Variants in ADAMTSL3 observed in about 807,000 individuals in gnomAD.
The protein encoded by ADAMTSL3 is ADAMTS like 3.
ADAMTSL3 carries 128 observed loss-of-function variants against 201.7 expected under a neutral mutation model. The observed-to-expected ratio is 0.63, with a 90% CI of 0.55 to 0.73. ADAMTSL3 has a LOEUF of 0.73. Ranked by LOEUF, ADAMTSL3 falls within the 30% of genes least tolerant of loss-of-function variation. The pLI is 0.00. For synonymous variants in ADAMTSL3, 738 were observed against 748.4 expected, an observed-to-expected ratio of 0.99 and a Z score of 0.23; for missense variants, 1,990 against 2,119.6, an observed-to-expected ratio of 0.94 and a Z score of 1.20.
intron 17 of ADAMTSL3, among the ~76,000 whole-genome samples, chr15:83,932,144 A>T (rs192103377): frequency 6.6e-6 from 1 of 152,346 alleles, no homozygotes; most frequent in Admixed American, 6.5e-5. Context: ...CAGAATACTG[A>T]GGGAATATCA....
chr15:83,922,985 AT>A (rs963045116), intron 16 of ADAMTSL3, among the ~76,000 whole-genome samples: 3 of 151,980 alleles, frequency 2.0e-5, no homozygotes, highest in African/African-American at 4.8e-5. Flanking sequence ...TTTTCCAATA[AT>A]TTTTTTTGTC....
At chr15:83,799,899 G>A (rs564134558) in intron 4 of ADAMTSL3, among the ~76,000 whole-genome samples, 2 of 152,310 alleles carry the variant, frequency 1.3e-5, no homozygotes, top group East Asian at 1.9e-4. Flanking sequence ...TCCAGAATAA[G>A]CTGGCAGGTT....
At chr15:83,826,527 A>C (rs1043086949) in intron 6 of ADAMTSL3, among the ~76,000 whole-genome samples, 1 of 151,486 alleles carries the variant, frequency 6.6e-6, no homozygotes, top group African/African-American at 2.4e-5. Context: ...TAAAAAAATT[A>C]TACTTTAAGT....
chr15:84,025,435 G>C lies in ADAMTSL3; in HGVS notation c.4655G>C (p.Arg1552Pro), dbSNP rs772236407. The stretch of plus-strand genomic sequence containing the variant: ...TGTGTTCAGTGGGAACCAGGGAACC[G>C]GGTAAAGCTAACACATCTAGTTTGT... ...HPCVQWEPGN[R>P]CPGRCMGRAV... Residue 1552 changes from arginine to proline, a missense_variant and splice_region_variant, in exon 27 of 30, where the codon CGG becomes CCG. Physicochemically the swap from Arg to Pro is moderately radical, Grantham distance 103 (BLOSUM62 -2). Coordinates refer to ENST00000286744, the MANE Select transcript of ADAMTSL3 (RefSeq NM_207517.3). The C allele has an allele frequency of 8.1e-6, 13 of 1,613,324 alleles. No individual in the cohort carries two copies. The South Asian group carries it at 9.9e-5, about 12-fold the overall frequency.
At chr15:83,685,696 C>T (rs1336053879) in intron 2 of ADAMTSL3, among the ~76,000 whole-genome samples, 1 of 152,176 alleles carries the variant, frequency 6.6e-6, no homozygotes, top group Non-Finnish European at 1.5e-5. Flanking sequence ...TTATATTAGA[C>T]AGCTCTCTTT....
At chr15:83,746,449 T>C (rs956387472) in intron 3 of ADAMTSL3, among the ~76,000 whole-genome samples, 1 of 151,788 alleles carries the variant, frequency 6.6e-6, no homozygotes, top group South Asian at 2.1e-4. Flanking sequence ...GTGTTAACTA[T>C]CAGTGTCTGT....
At chr15:83,783,941 G>A (rs1199283005) in intron 4 of ADAMTSL3, among the ~76,000 whole-genome samples, 2 of 151,816 alleles carry the variant, frequency 1.3e-5, no homozygotes, top group Non-Finnish European at 2.9e-5. Context: ...TGCAAATTCA[G>A]TTATGGCTGC....
chr15:83,781,528 T>A (rs1356836389), intron 4 of ADAMTSL3, among the ~76,000 whole-genome samples: 1 of 152,110 alleles, frequency 6.6e-6, no homozygotes, highest in Non-Finnish European at 1.5e-5. Context: ...GATACCATTA[T>A]GGACATTGGA....
intron 23 of ADAMTSL3, among the ~76,000 whole-genome samples, chr15:83,999,519 C>A (rs2067750297): frequency 6.6e-6 from 1 of 152,158 alleles, no homozygotes; most frequent in Admixed American, 6.5e-5. Flanking sequence ...TATTTTTAAA[C>A]CCTACCCGCC....
chr15:83,921,889 T>G (rs2066152322), intron 16 of ADAMTSL3, among the ~76,000 whole-genome samples: 3 of 151,922 alleles, frequency 2.0e-5, no homozygotes, highest in Admixed American at 2.0e-4. Context: ...TCTCACTATG[T>G]TGCCACAAGC....
At chr15:83,779,057 G>C (rs2063124761) in intron 4 of ADAMTSL3, among the ~76,000 whole-genome samples, 1 of 152,120 alleles carries the variant, frequency 6.6e-6, no homozygotes, top group Non-Finnish European at 1.5e-5. Flanking sequence ...TTCACAAGAA[G>C]ACCGAACTAT....
chr15:83,774,828 A>C (rs1596183851), intron 4 of ADAMTSL3, among the ~76,000 whole-genome samples: 1 of 149,866 alleles, frequency 6.7e-6, no homozygotes, highest in Non-Finnish European at 1.5e-5. Flanking sequence ...GGAGAGCTAC[A>C]CCCTGTGGGC....
intron 19 of ADAMTSL3, among the ~76,000 whole-genome samples, chr15:83,954,252 A>C (rs1217708339): frequency 1.3e-5 from 2 of 151,948 alleles, no homozygotes; most frequent in Admixed American, 6.5e-5. Context: ...CTCTAACTGT[A>C]TTTTAAAATA....
Position 83,774,076 on chromosome 15 carries a change from A to T in ADAMTSL3, c.317+426A>T, listed in dbSNP as rs144429082. On this transcript the variant is annotated intron_variant, in intron 4 of 29. Coordinates refer to ENST00000286744, the MANE Select transcript of ADAMTSL3 (RefSeq NM_207517.3). ...TTCACATTTTAGATATGTTTATGTT[A>T]AATAATGTTTGCAAAAATGTAAAAT... 7.2e-5 allele frequency among the ~76,000 whole-genome samples: 11 copies of T among 152,338 alleles called. No individual in the cohort carries two copies. In the East Asian group the frequency reaches 2.1e-3, roughly 29 times the overall value.
At chr15:83,716,569 ATTATTC>A (rs1046380059) in intron 3 of ADAMTSL3, among the ~76,000 whole-genome samples, 1 of 151,648 alleles carries the variant, frequency 6.6e-6, no homozygotes, top group African/African-American at 2.4e-5. Context: ...AAAAAAGTTA[ATTATTC>A]TTTGTGATAA....
At chr15:83,877,265 T>C (rs368959355) in intron 9 of ADAMTSL3, among the ~76,000 whole-genome samples, 2 of 152,360 alleles carry the variant, frequency 1.3e-5, no homozygotes, top group East Asian at 3.9e-4. Context: ...GAAGCCTTAA[T>C]ATTTTTCTTT....
At chr15:83,996,764 G>A (rs2067693870) in intron 23 of ADAMTSL3, among the ~76,000 whole-genome samples, 1 of 112,102 alleles carries the variant, frequency 8.9e-6, no homozygotes, top group Non-Finnish European at 1.6e-5. Flanking sequence ...CTGGGCAACA[G>A]AGCGAGACTC....
intron 3 of ADAMTSL3, 104 bp from the exon 4 acceptor site, chr15:83,773,419 A>T: frequency 4.0e-6 from 5 of 1,265,754 alleles, no homozygotes; most frequent in Non-Finnish European, 5.5e-6. Context: ...AAAAAAAAAA[A>T]GGTGACTCTG....
intron 19 of ADAMTSL3, among the ~76,000 whole-genome samples, chr15:83,966,389 A>G (rs2067087073): frequency 6.6e-6 from 1 of 152,242 alleles, no homozygotes; most frequent in African/African-American, 2.4e-5. Context: ...ATCAGAGAAT[A>G]CTATAAACAC....
Sources: allele counts gnomAD v4.1 joint callset (sites outside exome capture counted in the v4.1 genomes callset), GRCh38; gene constraint gnomAD v4.1.1; transcripts MANE v1.5; gene names NCBI Gene and HGNC (gene_info 2026-07-23, HGNC 2026-07-21).